TUSC3: variants seen among roughly 807,000 people sequenced by gnomAD.
TUSC3 encodes dolichyl-diphosphooligosaccharide--protein glycosyltransferase subunit TUSC3.
A neutral mutation model predicts 44.8 loss-of-function variants in TUSC3; 45 were observed. The observed-to-expected ratio is 1.00, with a 90% confidence interval of 0.79 to 1.29. TUSC3 has a LOEUF of 1.29. Ranked by LOEUF, TUSC3 falls within the 50% of genes most tolerant of loss-of-function variation. The probability of loss-of-function intolerance (pLI) is 0.00; values close to 1 mark genes in which losing one functional copy is unlikely to be tolerated. For synonymous variants in TUSC3, 212 were observed against 152.9 expected, an observed-to-expected ratio of 1.39 and a Z score of -2.85; for missense variants, 519 against 437.9, an observed-to-expected ratio of 1.19 and a Z score of -1.65.
chr8:15,497,005 C>G (rs965129765), intron 2 of TUSC3, among the ~76,000 whole-genome samples: 1 of 152,152 alleles, frequency 6.6e-6, no homozygotes, highest in African/African-American at 2.4e-5. Flanking sequence ...AAAAAATCCT[C>G]TATCTCTAAA....
chr8:15,581,333 C>G (rs1243854492), intron 1 of TUSC3, among the ~76,000 whole-genome samples: 2 of 149,706 alleles, frequency 1.3e-5, no homozygotes, highest in Middle Eastern at 3.2e-3. Flanking sequence ...AAGTCATTCT[C>G]CATCCAGCTT....
chr8:15,699,266 TA>T (rs1379089301), intron 6 of TUSC3, among the ~76,000 whole-genome samples: 1 of 2,536 alleles, frequency 3.9e-4, no homozygotes, highest in East Asian at 5.3e-3. Flanking sequence ...TACTGGTAAT[TA>T]ATTAATTCAT....
intron 6 of TUSC3, among the ~76,000 whole-genome samples, chr8:15,697,508 G>A (rs1046574159): frequency 2.0e-5 from 3 of 152,124 alleles, no homozygotes; most frequent in African/African-American, 7.2e-5. Flanking sequence ...CAAGTGCTGG[G>A]GGGTCTAGTT....
At chr8:15,585,727 C>A (rs146047179) in intron 1 of TUSC3, among the ~76,000 whole-genome samples, 1 of 152,128 alleles carries the variant, frequency 6.6e-6, no homozygotes, top group African/African-American at 2.4e-5. Context: ...ACCTGTGTAG[C>A]CTTTTTTACC....
chr8:15,523,660 ATATATGTGTGTGTGTGTGTGTGTGTG>A (rs1801330637), intron 2 of TUSC3, among the ~76,000 whole-genome samples: 3 of 16,394 alleles, frequency 1.8e-4, no homozygotes, highest in Admixed American at 8.8e-4. Flanking sequence ...ATATATATAT[ATATATGTGTGTGTGTGTGTGTGTGTG>A]TGTGTGTGTG....
the TUSC3 span, among the ~76,000 whole-genome samples, chr8:15,778,267 G>C: frequency 1.3e-5 from 2 of 152,008 alleles, no homozygotes; most frequent in Non-Finnish European, 2.9e-5. Context: ...TCATACTAAC[G>C]TAATCTGACT....
chr8:15,842,690 A>G, the TUSC3 span, among the ~76,000 whole-genome samples: 4,836 of 152,252 alleles, frequency 0.032, 260 homozygotes, highest in African/African-American at 0.11. Context: ...GCTTCCTAAG[A>G]AAAACAGAAA....
At chr8:15,799,487 C>G in the TUSC3 span, among the ~76,000 whole-genome samples, 2 of 152,170 alleles carry the variant, frequency 1.3e-5, no homozygotes. Context: ...GAGTTGACAA[C>G]AATGACATAC....
At chr8:15,518,695 T>A (rs900341035) in intron 2 of TUSC3, among the ~76,000 whole-genome samples, 1 of 152,146 alleles carries the variant, frequency 6.6e-6, no homozygotes, top group Non-Finnish European at 1.5e-5. Flanking sequence ...ATGAAAAATA[T>A]AGGGTTAAAG....
At chr8:15,771,167 G>A (rs575006348), downstream of TUSC3, among the ~76,000 whole-genome samples, 1 of 152,252 alleles carries the variant, frequency 6.6e-6, no homozygotes, top group African/African-American at 2.4e-5. Context: ...CTTTTAAAAT[G>A]AAGGATAAAG....
At chr8:15,513,222 C>G (rs932782151) in intron 2 of TUSC3, among the ~76,000 whole-genome samples, 3 of 151,614 alleles carry the variant, frequency 2.0e-5, no homozygotes. Flanking sequence ...TTGGTAGCTA[C>G]AAATGTAGTA....
At chr8:15,675,993 C>A (rs1808172680) in intron 6 of TUSC3, among the ~76,000 whole-genome samples, 1 of 152,086 alleles carries the variant, frequency 6.6e-6, no homozygotes, top group African/African-American at 2.4e-5. Flanking sequence ...ATCTTAAGTT[C>A]TTTGAGACAT....
chr8:15,655,425 G>T (rs1370367970), intron 3 of TUSC3, among the ~76,000 whole-genome samples: 1 of 152,202 alleles, frequency 6.6e-6, no homozygotes, highest in Non-Finnish European at 1.5e-5. Context: ...CCAAGTGCTG[G>T]CAAGCCACTG....
intron 1 of TUSC3, among the ~76,000 whole-genome samples, chr8:15,589,218 G>C (rs191377808): frequency 7.9e-5 from 12 of 152,222 alleles, no homozygotes; most frequent in Admixed American, 3.3e-4. Context: ...GGTGACACAA[G>C]TTTTTTGTAG....
intron 2 of TUSC3, among the ~76,000 whole-genome samples, chr8:15,637,573 C>T (rs948277950): frequency 3.3e-5 from 5 of 152,006 alleles, no homozygotes; most frequent in African/African-American, 1.2e-4. Context: ...AATTTTTTAT[C>T]AGTTGAAGAA....
chr8:15,470,444 G>A (rs1313594647), intron 1 of TUSC3, among the ~76,000 whole-genome samples: 1 of 151,994 alleles, frequency 6.6e-6, no homozygotes, highest in Non-Finnish European at 1.5e-5. Context: ...ATAAATTATG[G>A]GCTTTGGTTG....
At chr8:15,649,673 C>G (rs951210500) in intron 2 of TUSC3, among the ~76,000 whole-genome samples, 1 of 151,656 alleles carries the variant, frequency 6.6e-6, no homozygotes, top group Non-Finnish European at 1.5e-5. Flanking sequence ...GCTTCTGAAT[C>G]TAATGTTTTT....
At chr8:15,712,579 G>A (rs2129200313) in intron 6 of TUSC3, among the ~76,000 whole-genome samples, 1 of 152,022 alleles carries the variant, frequency 6.6e-6, no homozygotes, top group African/African-American at 2.4e-5. Flanking sequence ...GGTCTCCAAA[G>A]GACACTAAGA....
intron 5 of TUSC3, among the ~76,000 whole-genome samples, chr8:15,673,227 C>T (rs921108810): frequency 6.6e-5 from 10 of 152,034 alleles, no homozygotes; most frequent in African/African-American, 2.2e-4. Flanking sequence ...GTGATTTCTT[C>T]CATCTCTAAA....
Sources: gnomAD v4.1 joint callset for allele counts (sites outside exome capture counted in the v4.1 genomes callset) on GRCh38, gnomAD v4.1.1 for gene constraint, MANE v1.5 for transcripts, NCBI Gene and HGNC (gene_info 2026-07-23, HGNC 2026-07-21) for gene names.